NUF2: variants seen among roughly 807,000 people sequenced by gnomAD.
The protein encoded by NUF2 is NUF2 component of NDC80 kinetochore complex.
Under a neutral mutation model 61.8 loss-of-function variants are expected in NUF2, and 34 were observed. The observed-to-expected ratio is 0.55, with a 90% CI of 0.42 to 0.73. The LOEUF (loss-of-function observed/expected upper bound fraction) is 0.73. NUF2 is among the 30% of genes least tolerant of loss of function. The pLI, the probability that NUF2 is intolerant of heterozygous loss-of-function variation, is 0.00. For missense variants in NUF2, 445 were observed against 539.1 expected (o/e 0.83, Z 1.73); for synonymous variants, 172 against 181.6 (o/e 0.95, Z 0.42).
intron 13 of NUF2, among the ~76,000 whole-genome samples, chr1:163,352,517 T>C (rs1651355098): frequency 6.6e-6 from 1 of 152,234 alleles, no homozygotes; most frequent in Non-Finnish European, 1.5e-5. Flanking sequence ...TCACACTTGA[T>C]TCAGAGAGTA....
At chr1:163,350,274 C>A (rs576147280) in intron 13 of NUF2, among the ~76,000 whole-genome samples, 4 of 151,418 alleles carry the variant, frequency 2.6e-5, no homozygotes, top group Non-Finnish European at 5.9e-5. Context: ...TGCACTCCAG[C>A]CTGGGCGACA....
intron 10 of NUF2, among the ~76,000 whole-genome samples, chr1:163,344,970 T>G (rs940677594): frequency 1.3e-5 from 2 of 152,118 alleles, no homozygotes; most frequent in African/African-American, 4.8e-5. Flanking sequence ...AAATTTAAGT[T>G]TTACAGATTT....
chr1:163,327,239 A>T (rs1486964122), intron 2 of NUF2, among the ~76,000 whole-genome samples: 1 of 151,892 alleles, frequency 6.6e-6, no homozygotes, highest in African/African-American at 2.4e-5. Flanking sequence ...GGTTGCTTGG[A>T]TTGGATTTGG....
chr1:163,345,807 A>T lies in NUF2; in HGVS notation c.937A>T (p.Ile313Phe). ...LSDNREKLASILKESLNLEDQ... is the reference protein window; with the variant it reads ...LSDNREKLASFLKESLNLEDQ... Reference sequence around the variant, plus strand: ...AGATAATAGGGAAAAATTAGCCAGTATCTTAAAGGAGGTTTGTATTGTATG... The same window carrying T: ...AGATAATAGGGAAAAATTAGCCAGTTTCTTAAAGGAGGTTTGTATTGTATG... The change falls in exon 11 of 14, where the codon ATC becomes TTC. Residue 313 changes from isoleucine (I) to phenylalanine (F), a missense_variant. Physicochemically the swap from Ile to Phe is conservative, Grantham distance 21. Transcript: ENST00000271452. 1 of 1,601,198 alleles carries T rather than the reference A, an allele frequency of 6.2e-7. No homozygotes were observed. The highest frequency in any genetic ancestry group is 8.5e-7 in the Non-Finnish European group (1 of 1,170,842).
chr1:163,339,555 C>T (rs1330292938), intron 8 of NUF2, 78 bp downstream of exon 8: 2 of 781,346 alleles, frequency 2.6e-6, no homozygotes, highest in East Asian at 2.6e-5. Context: ...GTGGAGGTAA[C>T]AGCACATTGC....
intron 8 of NUF2, 100 bp downstream of exon 8, chr1:163,339,577 C>A: frequency 3.0e-6 from 2 of 669,766 alleles, no homozygotes; most frequent in Non-Finnish European, 5.2e-6. Context: ...TTCTCTATTA[C>A]CAAAGAAACA....
chr1:163,328,223 T>G lies in NUF2; in HGVS notation c.199-5T>G. The G allele has an allele frequency of 6.3e-7, 1 of 1,598,092 alleles. No homozygotes were observed. The highest frequency in any genetic ancestry group is 8.5e-7 in the Non-Finnish European group (1 of 1,170,440). On this transcript the variant is annotated splice_polypyrimidine_tract_variant and splice_region_variant and intron_variant, in intron 3 of 13. Coordinates refer to ENST00000271452, the MANE Select transcript of NUF2 (RefSeq NM_145697.3). ...AATGTCGATTTTGTGGTTTATTGCA[T>G]TTAGATGCCAGTGAACTCTGAAGTC... is the stretch of plus-strand genomic sequence containing the variant.
At chr1:163,343,977 CT>C in intron 10 of NUF2, 107 bp downstream of exon 10, 1 of 586,868 alleles carries the variant, frequency 1.7e-6, no homozygotes, top group Non-Finnish European at 2.6e-6. Flanking sequence ...CTATACTTCT[CT>C]TCCTCTTAAA....
intron 7 of NUF2, 26 bp from the exon 8 acceptor site, chr1:163,339,355 A>G: frequency 7.0e-7 from 1 of 1,431,876 alleles, no homozygotes. Flanking sequence ...GAAGAGCAGT[A>G]TTTTAATCTA....
chr1:163,327,690 A>T (rs1650470827), intron 3 of NUF2, 128 bp downstream of exon 3: 1 of 620,822 alleles, frequency 1.6e-6, no homozygotes, highest in South Asian at 2.1e-5. Context: ...TTTTTAACAA[A>T]TTCAAAGACA....
At chr1:163,327,449 G>A (rs1650461539) in intron 2 of NUF2, 39 bp from the exon 3 acceptor site, 1 of 1,047,698 alleles carries the variant, frequency 9.5e-7, no homozygotes, top group African/African-American at 1.6e-5. Context: ...TAGCTTTAGA[G>A]TTATGCATCG....
At chr1:163,340,470 T>C in intron 9 of NUF2, 44 bp downstream of exon 9, 1 of 1,414,178 alleles carries the variant, frequency 7.1e-7, no homozygotes, top group Non-Finnish European at 1.0e-6. Context: ...TTTGAATATA[T>C]TGTGTGGAGG....
intron 4 of NUF2, 110 bp from the exon 5 acceptor site, chr1:163,328,736 A>G: frequency 1.4e-6 from 1 of 717,732 alleles, no homozygotes; most frequent in Non-Finnish European, 2.4e-6. Context: ...CACTGACCTT[A>G]AGAAATATAT....
chr1:163,330,553 C>T (rs1179383330), intron 5 of NUF2, among the ~76,000 whole-genome samples: 1 of 152,016 alleles, frequency 6.6e-6, no homozygotes, highest in Non-Finnish European at 1.5e-5. Context: ...TCCTTTGCAT[C>T]TCTATATGTA....
rs201201382 is a variant in NUF2, at chr1:163,347,924, A to G, written c.1110A>G (p.Lys370=). The change falls in exon 12 of 14, where the codon AAA becomes AAG. Residue 370 remains lysine, a synonymous_variant. Coordinates refer to ENST00000271452, the MANE Select transcript of NUF2 (RefSeq NM_145697.3). ...NKKHEDVKQY[K]RTVIEDCNKV... ...AGCATGAAGATGTTAAGCAATACAA[A>G]CGCACAGTAATTGAGTATGGAGTTG... 109 of 1,589,298 alleles carry G rather than the reference A, an allele frequency of 6.9e-5. No individual in the cohort carries two copies. The highest frequency in any genetic ancestry group is 8.9e-5 in the Non-Finnish European group (104 of 1,170,556).
chr1:163,325,249 T>C (rs1650378441), intron 1 of NUF2, among the ~76,000 whole-genome samples: 1 of 152,164 alleles, frequency 6.6e-6, no homozygotes. Flanking sequence ...GGCCACCCTA[T>C]ACATCGTAAG....
chr1:163,331,400 T>A (rs2101671115), intron 5 of NUF2, among the ~76,000 whole-genome samples: 1 of 152,046 alleles, frequency 6.6e-6, no homozygotes, highest in Admixed American at 6.5e-5. Flanking sequence ...CTAGATTTGA[T>A]TTGCTAATAT....
chr1:163,326,068 T>C lies in NUF2; in HGVS notation c.17T>C (p.Phe6Ser). 1.2e-6 allele frequency: 2 copies of C among 1,612,458 alleles called. No homozygotes were observed. The highest frequency in any genetic ancestry group is 8.5e-7 in the Non-Finnish European group (1 of 1,179,072). METLS[F>S]PRYNVAEIVI... ...ACTTCCAAGATGGAAACTTTGTCTT[T>C]CCCCAGATATAATGTAGCTGAGATT... The change falls in exon 2 of 14, where the codon TTC becomes TCC. Residue 6 changes from phenylalanine (F) to serine (S), a missense_variant. Physicochemically the swap from Phe to Ser is radical, Grantham distance 155. Coordinates refer to ENST00000271452, the MANE Select transcript of NUF2 (RefSeq NM_145697.3).
rs199601096 is a variant in NUF2, at chr1:163,349,088, T to C, written c.1260+8T>C. Reference sequence around the variant, plus strand: ...GAGAAACTGAAGTCCCAGGTGAATATGTGTTCATAAGAAGTTAATTTCAAA... The same window carrying C: ...GAGAAACTGAAGTCCCAGGTGAATACGTGTTCATAAGAAGTTAATTTCAAA... On this transcript the variant is annotated splice_region_variant and intron_variant, in intron 13 of 13. Coordinates refer to ENST00000271452, the MANE Select transcript of NUF2 (RefSeq NM_145697.3). The C allele has an allele frequency of 3.4e-4, 545 of 1,597,138 alleles. 4 individuals are homozygous for C. In the Admixed American group the frequency reaches 5.4e-3, roughly 16 times the overall value.
Sources: allele counts gnomAD v4.1 joint callset (sites outside exome capture counted in the v4.1 genomes callset), GRCh38; gene constraint gnomAD v4.1.1; transcripts MANE v1.5; gene names NCBI Gene and HGNC (gene_info 2026-07-23, HGNC 2026-07-21).